SAR1B: variants seen among roughly 807,000 people sequenced by gnomAD.
SAR1B encodes the protein small COPII coat GTPase SAR1B.
Under a neutral mutation model 26.8 loss-of-function variants are expected in SAR1B, and 23 were observed. The observed-to-expected ratio is 0.86, with a 90% CI of 0.62 to 1.22. The LOEUF (loss-of-function observed/expected upper bound fraction) is 1.22. Ranked by LOEUF, SAR1B falls within the 50% of genes most tolerant of loss-of-function variation. The probability of loss-of-function intolerance (pLI) is 0.00; values close to 1 mark genes in which losing one functional copy is unlikely to be tolerated. For missense variants in SAR1B, 196 were observed against 232.8 expected (o/e 0.84, Z 1.03); for synonymous variants, 65 against 80.8 (o/e 0.80, Z 1.05).
chr5:134,626,105 C>T (rs1268263279), intron 1 of SAR1B, among the ~76,000 whole-genome samples: 3 of 151,646 alleles, frequency 2.0e-5, no homozygotes, highest in Non-Finnish European at 2.9e-5. Flanking sequence ...TCAAGATCAG[C>T]CTGGCCAACG....
chr5:134,609,760 T>C (rs1027945484), intron 4 of SAR1B, 86 bp from the exon 5 acceptor site: 2 of 985,750 alleles, frequency 2.0e-6, no homozygotes, highest in African/African-American at 1.6e-5. Flanking sequence ...AGATATCAAG[T>C]GCGGTAATCC....
intron 1 of SAR1B, among the ~76,000 whole-genome samples, chr5:134,629,985 G>A (rs1414251131): frequency 2.0e-5 from 3 of 151,998 alleles, no homozygotes; most frequent in Admixed American, 6.6e-5. Context: ...GGTGAGGGCT[G>A]GGCACAGTGG....
Position 134,609,589 on chromosome 5 carries a change from CT to C in SAR1B, c.329del (p.Glu110GlyfsTer9). ...AACTTACATCAAGTTCTTCTTTTGA[CT>C]CTAACAGCCTTTCGTGGTCTGCACA... ...VDCADHERLL[E>X]SKEELDSLMT... On this transcript the variant is annotated frameshift_variant, in exon 5 of 7. Coordinates refer to ENST00000402673, the MANE Select transcript of SAR1B (RefSeq NM_016103.4). LOFTEE classifies it high-confidence loss of function. The C allele has an allele frequency of 2.5e-6, 4 of 1,613,908 alleles. No individual in the cohort carries two copies. Among genetic ancestry groups the C allele is most frequent in the Non-Finnish European group, 3.4e-6 (4 of 1,179,800 alleles).
rs1418508157 is a variant in SAR1B at position 134,624,007 on chromosome 5, A to T, written c.13T>A (p.Phe5Ile). MSFI[F>I]DWIYSGFSSV... is the part of the protein sequence containing the mutation. ...CTGAAACCACTGTAAATCCAATCAA[A>T]TATGAAGGACATATCCAAATCTGAT... is the stretch of plus-strand genomic sequence containing the variant. The change falls in exon 2 of 7, where the codon TTT (phenylalanine) becomes ATT (isoleucine). Residue 5 changes from phenylalanine to isoleucine, a missense_variant. By Grantham distance (21) the Phe-to-Ile change is conservative. Coordinates refer to ENST00000402673, the MANE Select transcript of SAR1B (RefSeq NM_016103.4). The T allele has an allele frequency of 6.2e-7, 1 of 1,611,004 alleles. No homozygotes were observed.
At chr5:134,612,986 G>A in intron 3 of SAR1B, 1 of 522,614 alleles carries the variant, frequency 1.9e-6, no homozygotes, top group Non-Finnish European at 3.4e-6. Flanking sequence ...CCACAATTTA[G>A]CCTAAATATT....
intron 1 of SAR1B, among the ~76,000 whole-genome samples, chr5:134,631,138 CT>C (rs1298101077): frequency 6.6e-6 from 1 of 151,548 alleles, no homozygotes; most frequent in Non-Finnish European, 1.5e-5. Flanking sequence ...TTCTGTTAGA[CT>C]CATCTTTTTT....
intron 3 of SAR1B, among the ~76,000 whole-genome samples, chr5:134,620,353 C>T (rs577737434): frequency 1.3e-5 from 2 of 151,990 alleles, no homozygotes; most frequent in East Asian, 3.9e-4. Context: ...GTAAACAAGG[C>T]GATGGTGGAC....
chr5:134,603,399 TAATAA>T lies in SAR1B; in HGVS notation c.*3546_*3550del, dbSNP rs1379921303. On this transcript the variant is annotated 3_prime_UTR_variant, in exon 7 of 7. Coordinates refer to ENST00000402673, the MANE Select transcript of SAR1B (RefSeq NM_016103.4). ...TGAAATGCTGGGTTTTGAATGTAGT[TAATAA>T]AATAATTTTCTAGAATGCAAGAAAC... is the stretch of plus-strand genomic sequence containing the variant. 1.3e-5 allele frequency: 2 copies of T among 152,370 alleles called. No homozygotes were observed. The highest frequency in any genetic ancestry group is 3.9e-4 in the East Asian group (2 of 5,194). 9.4% of individuals were successfully genotyped at this position (152,370 alleles called of 1,614,324 possible).
chr5:134,617,223 C>T (rs1765329613), intron 3 of SAR1B, among the ~76,000 whole-genome samples: 1 of 151,094 alleles, frequency 6.6e-6, no homozygotes, highest in African/African-American at 2.4e-5. Flanking sequence ...CAGAGTGAGA[C>T]ACTGACTCAA....
Position 134,624,705 on chromosome 5 carries a change from G to A in SAR1B, c.-18-668C>T, listed in dbSNP as rs561979155. ...TGCAATGGCTCGATCTCAGCTCACT[G>A]AAAGCTTCTCCTCCCAGGTTCAAGC... On this transcript the variant is annotated intron_variant, in intron 1 of 6. Coordinates refer to ENST00000402673, the MANE Select transcript of SAR1B (RefSeq NM_016103.4). 4.2e-3 allele frequency among the ~76,000 whole-genome samples: 604 copies of A among 144,148 alleles called. 2 individuals are homozygous for A. In the Middle Eastern group the frequency reaches 0.046, roughly 11 times the overall value. The allele number at this position is 144,148 out of a possible 152,430, so 94.6% of individuals were successfully genotyped here.
At chr5:134,630,110 A>T (rs1443951855) in intron 1 of SAR1B, among the ~76,000 whole-genome samples, 1 of 151,894 alleles carries the variant, frequency 6.6e-6, no homozygotes, top group Admixed American at 6.6e-5. Context: ...ATGAGTATTT[A>T]AAGTGAGCGA....
chr5:134,607,168 G>A (rs563543262), intron 6 of SAR1B, 102 bp from the exon 7 acceptor site: 150 of 837,448 alleles, frequency 1.8e-4, no homozygotes, highest in Non-Finnish European at 2.7e-4. Flanking sequence ...GAATGGCTGT[G>A]ATAAATCCAT....
intron 3 of SAR1B, among the ~76,000 whole-genome samples, chr5:134,617,110 T>C (rs1317260854): frequency 2.0e-5 from 3 of 152,090 alleles, no homozygotes; most frequent in African/African-American, 4.8e-5. Flanking sequence ...CATGTGCCTG[T>C]AGTTCGAGCT....
rs1019167743 is a variant in SAR1B, at chr5:134,601,848, A to G, written c.*5102T>C. 1 of 152,206 alleles carries G rather than the reference A, an allele frequency of 6.6e-6. No individual in the cohort carries two copies. The highest frequency in any genetic ancestry group is 2.4e-5 in the African/African-American group (1 of 41,442). The allele number at this position is 152,206 out of a possible 1,614,324, so 9.4% of individuals were successfully genotyped here. On this transcript the variant is annotated 3_prime_UTR_variant, in exon 7 of 7. Coordinates refer to ENST00000402673, the MANE Select transcript of SAR1B (RefSeq NM_016103.4). Reference sequence around the variant, plus strand: ...ATCACGTGAGGTCAGAAGTTCGACAAGCCTGGACAACATGGTGAAACCCTG... The same window carrying G: ...ATCACGTGAGGTCAGAAGTTCGACAGGCCTGGACAACATGGTGAAACCCTG...
chr5:134,629,100 G>C (rs548827726), intron 1 of SAR1B, among the ~76,000 whole-genome samples: 1 of 150,678 alleles, frequency 6.6e-6, no homozygotes, highest in African/African-American at 2.4e-5. Flanking sequence ...GGGCAACATA[G>C]TGAGACCCTG....
At chr5:134,615,371 C>T (rs1023318063) in intron 3 of SAR1B, among the ~76,000 whole-genome samples, 11 of 149,024 alleles carry the variant, frequency 7.4e-5, no homozygotes, top group African/African-American at 2.2e-4. Context: ...AAAAATTACC[C>T]AGGCATGGTG....
At chr5:134,630,133 T>C (rs1392741843) in intron 1 of SAR1B, among the ~76,000 whole-genome samples, 1 of 151,674 alleles carries the variant, frequency 6.6e-6, no homozygotes, top group African/African-American at 2.4e-5. Context: ...GTAGAAATAC[T>C]ATGCTCAGCC....
At chr5:134,619,115 A>C (rs1765361936) in intron 3 of SAR1B, among the ~76,000 whole-genome samples, 1 of 150,404 alleles carries the variant, frequency 6.6e-6, no homozygotes, top group Admixed American at 6.7e-5. Flanking sequence ...GGATCATCTG[A>C]GGTCGGGAGT....
chr5:134,609,637 A>G lies in SAR1B; in HGVS notation c.282T>C (p.Asn94=). Residue 94 remains asparagine, a synonymous_variant, in exon 5 of 7, where the codon AAT becomes AAC. Coordinates refer to ENST00000402673, the MANE Select transcript of SAR1B (RefSeq NM_016103.4). ...CACAATCCACCAGAAATACAATGCC[A>G]TTGATAGCAGGAAGGTAGTTTTTCC... ...RVWKNYLPAI[N]GIVFLVDCAD... is the part of the protein sequence containing the mutation. 6.2e-7 allele frequency: 1 copy of G among 1,614,172 alleles called. No individual in the cohort carries two copies. The highest frequency in any genetic ancestry group is 8.5e-7 in the Non-Finnish European group (1 of 1,180,006).
Sources: gnomAD v4.1 joint callset for allele counts (sites outside exome capture counted in the v4.1 genomes callset) on GRCh38, gnomAD v4.1.1 for gene constraint, MANE v1.5 for transcripts, NCBI Gene and HGNC (gene_info 2026-07-23, HGNC 2026-07-21) for gene names.